Variants in CALN1 observed in about 807,000 individuals in gnomAD.
CALN1 encodes calneuron 1, also known as calcium-binding protein 8.
Under a neutral mutation model 30.6 loss-of-function variants are expected in CALN1, and 17 were observed. The observed-to-expected ratio is 0.56, with a 90% CI of 0.38 to 0.83. The LOEUF (loss-of-function observed/expected upper bound fraction) is 0.83. Ranked by LOEUF, CALN1 falls within the 40% of genes least tolerant of loss-of-function variation. The pLI, the probability that CALN1 is intolerant of heterozygous loss-of-function variation, is 0.00. For synonymous variants in CALN1, 156 were observed against 131.4 expected, an observed-to-expected ratio of 1.19 and a Z score of -1.28; for missense variants, 291 against 354.9, an observed-to-expected ratio of 0.82 and a Z score of 1.45.
chr7:72,388,479 T>C (rs763626111), intron 2 of CALN1, among the ~76,000 whole-genome samples: 1 of 152,084 alleles, frequency 6.6e-6, no homozygotes, highest in African/African-American at 2.4e-5. Flanking sequence ...TGAGCCTTAA[T>C]AATAATGTAT....
intron 3 of CALN1, among the ~76,000 whole-genome samples, chr7:72,142,721 C>A (rs571676179): frequency 3.9e-5 from 6 of 152,256 alleles, no homozygotes; most frequent in South Asian, 2.1e-4. Flanking sequence ...TGGGAAGCAC[C>A]CCCCAGTAGG....
chr7:71,840,485 T>TAAA (rs61579583), intron 5 of CALN1, among the ~76,000 whole-genome samples: 4 of 101,328 alleles, frequency 3.9e-5, no homozygotes, highest in East Asian at 3.2e-4. Context: ...ATGCTCTCTT[T>TAAA]AAAAAAAAAA....
chr7:72,109,709 C>T (rs1173657830), intron 3 of CALN1, among the ~76,000 whole-genome samples: 1 of 152,220 alleles, frequency 6.6e-6, no homozygotes, highest in African/African-American at 2.4e-5. Flanking sequence ...TGGTGGAGGA[C>T]ATGGCCTCAT....
At chr7:72,174,306 C>G (rs375229022) in intron 3 of CALN1, among the ~76,000 whole-genome samples, 4 of 152,134 alleles carry the variant, frequency 2.6e-5, no homozygotes, top group African/African-American at 9.7e-5. Context: ...AGTACAACTA[C>G]TTTGAAACAC....
rs545102871 is a variant in CALN1 at position 71,909,875 on chromosome 7, C to T, written c.502-99383G>A. ...GTATTAGTCAGTTCTCACATTGCTG[C>T]AAAGATACTACCTAAGACTGGGTAA... is the stretch of plus-strand genomic sequence containing the variant. On this transcript the variant is annotated intron_variant, in intron 5 of 6. Transcript: ENST00000395275. 7.9e-5 allele frequency among the ~76,000 whole-genome samples: 12 copies of T among 152,248 alleles called. No homozygotes were observed. In the South Asian group the frequency reaches 2.5e-3, roughly 32 times the overall value.
chr7:72,139,337 C>T (rs1809724977), intron 3 of CALN1, among the ~76,000 whole-genome samples: 1 of 151,496 alleles, frequency 6.6e-6, no homozygotes, highest in South Asian at 2.1e-4. Flanking sequence ...CGCCCAACCT[C>T]TTCTGCCCAC....
intron 4 of CALN1, among the ~76,000 whole-genome samples, chr7:72,070,826 G>A (rs1012158476): frequency 6.6e-6 from 1 of 152,132 alleles, no homozygotes; most frequent in Non-Finnish European, 1.5e-5. Flanking sequence ...CTCCTCCCCT[G>A]TCTATAATTC....
At chr7:72,062,389 G>A (rs1353281670) in intron 4 of CALN1, among the ~76,000 whole-genome samples, 2 of 151,722 alleles carry the variant, frequency 1.3e-5, no homozygotes, top group Non-Finnish European at 1.5e-5. Flanking sequence ...GTGTATGCCT[G>A]TAGTCCCAGC....
the CALN1 span, among the ~76,000 whole-genome samples, chr7:72,478,592 A>G: frequency 1.3e-5 from 2 of 151,460 alleles, no homozygotes; most frequent in African/African-American, 2.4e-5. Context: ...ATTCATCCCA[A>G]TGAGGATATG....
chr7:72,344,601 AT>A lies in CALN1; in HGVS notation c.119+58649del, dbSNP rs1802531069. Among the ~76,000 whole-genome samples, 8 of 146,686 alleles carry A rather than the reference AT, an allele frequency of 5.5e-5. No homozygotes were observed. In the South Asian group the frequency reaches 1.7e-3, roughly 31 times the overall value. On this transcript the variant is annotated intron_variant, in intron 2 of 6. Coordinates refer to ENST00000395275, the MANE Select transcript of CALN1 (RefSeq NM_031468.4). Reference sequence around the variant, plus strand: ...ATATTCTATTTATATGTAAATATATATTTATGTATTTTATGTATATATAAAT... The same window carrying A: ...ATATTCTATTTATATGTAAATATATATTATGTATTTTATGTATATATAAAT...
upstream of CALN1, among the ~76,000 whole-genome samples, chr7:72,416,028 G>A (rs529318684): frequency 7.9e-5 from 12 of 152,126 alleles, no homozygotes; most frequent in South Asian, 6.2e-4. Context: ...TGCTTGTACC[G>A]TTCCCTTCGC....
intron 3 of CALN1, among the ~76,000 whole-genome samples, chr7:72,255,731 ATT>A (rs10536438): frequency 0.38 from 52,434 of 137,366 alleles, 10,287 homozygotes; most frequent in Middle Eastern, 0.56. Context: ...CACTTAAATA[ATT>A]TTTTTTTTTT....
intron 2 of CALN1, among the ~76,000 whole-genome samples, chr7:72,391,194 A>G (rs372416606): frequency 4.6e-5 from 7 of 152,322 alleles, no homozygotes; most frequent in African/African-American, 1.7e-4. Context: ...GCAGCCACAT[A>G]TTGAAAGAAG....
chr7:72,399,615 C>T (rs1006916834), intron 2 of CALN1, among the ~76,000 whole-genome samples: 1 of 152,120 alleles, frequency 6.6e-6, no homozygotes, highest in Non-Finnish European at 1.5e-5. Context: ...TAATTTGAGT[C>T]TTGTAGGGAT....
intron 3 of CALN1, among the ~76,000 whole-genome samples, chr7:72,152,131 C>T (rs1462385866): frequency 1.3e-5 from 2 of 151,950 alleles, no homozygotes; most frequent in Non-Finnish European, 2.9e-5. Context: ...GTCTTGAATG[C>T]CTGACCTCAA....
At chr7:72,435,767 T>C (rs2129564194) in intron 1 of CALN1, among the ~76,000 whole-genome samples, 2 of 152,362 alleles carry the variant, frequency 1.3e-5, no homozygotes, top group African/African-American at 4.8e-5. Context: ...GTGCACATTT[T>C]CTAATAAATT....
At chr7:72,088,397 T>C (rs1430537460) in intron 4 of CALN1, among the ~76,000 whole-genome samples, 4 of 151,922 alleles carry the variant, frequency 2.6e-5, no homozygotes, top group Non-Finnish European at 5.9e-5. Flanking sequence ...CTCGTAGACC[T>C]TCAAAAGAAA....
rs3839730 is a variant in CALN1, at chr7:71,787,392, GGA to G, written c.*381_*382del. On this transcript the variant is annotated 3_prime_UTR_variant, in exon 7 of 7. Transcript: ENST00000395275. ...CCCTTGGGTTGAAAGAATGGGGAGT[GGA>G]GGTGACTGTGTGTTCATGCCTCTCT... The G allele has an allele frequency of 2.0e-4, 38 of 190,264 alleles. 1 individual carries two copies. In the East Asian group the frequency reaches 4.6e-3, roughly 23 times the overall value. 11.8% of individuals were successfully genotyped at this position (190,264 alleles called of 1,614,324 possible).
the CALN1 span, among the ~76,000 whole-genome samples, chr7:72,497,555 A>G: frequency 6.6e-6 from 1 of 152,264 alleles, no homozygotes; most frequent in South Asian, 2.1e-4. Context: ...ATGCCCTGAG[A>G]TTAGGAAGCA....
Sources: gnomAD v4.1 joint callset for allele counts (sites outside exome capture counted in the v4.1 genomes callset) on GRCh38, gnomAD v4.1.1 for gene constraint, MANE v1.5 for transcripts, NCBI Gene and HGNC (gene_info 2026-07-23, HGNC 2026-07-21) for gene names.